The following FOXJ3 variants were observed in gnomAD, a reference collection of about 807,000 sequenced individuals.
FOXJ3 encodes forkhead box protein J3.
In FOXJ3, 22 loss-of-function variants were observed where a neutral mutation model predicts 76.1. That is an observed-to-expected ratio of 0.29 (90% CI 0.21 to 0.41). The LOEUF (loss-of-function observed/expected upper bound fraction) is 0.41, where lower values mean the gene tolerates loss of function less well. Among genes scored for constraint, FOXJ3 ranks in the 10% least tolerant of loss-of-function variants. FOXJ3 has a pLI of 1.00. For synonymous variants in FOXJ3, 269 were observed against 261.2 expected, an observed-to-expected ratio of 1.03 and a Z score of -0.29; for missense variants, 613 against 762.1, an observed-to-expected ratio of 0.80 and a Z score of 2.30.
intron 2 of FOXJ3, among the ~76,000 whole-genome samples, chr1:42,281,837 T>C (rs1349033817): frequency 6.6e-6 from 1 of 152,136 alleles, no homozygotes; most frequent in Non-Finnish European, 1.5e-5. Flanking sequence ...GGCAGGCGGA[T>C]CACCTGAGGT....
intron 4 of FOXJ3, among the ~76,000 whole-genome samples, chr1:42,231,501 T>A (rs1364476368): frequency 6.6e-6 from 1 of 152,138 alleles, no homozygotes; most frequent in Non-Finnish European, 1.5e-5. Flanking sequence ...TATTGTTTAA[T>A]GAGTGAAGAA....
At chr1:42,186,931 T>A (rs1475816177) in intron 11 of FOXJ3, among the ~76,000 whole-genome samples, 1 of 151,782 alleles carries the variant, frequency 6.6e-6, no homozygotes, top group Non-Finnish European at 1.5e-5. Context: ...CACTACAACC[T>A]CCGCCTCCCA....
intron 1 of FOXJ3, among the ~76,000 whole-genome samples, chr1:42,319,271 C>T (rs558965621): frequency 2.2e-4 from 34 of 152,158 alleles, no homozygotes; most frequent in Admixed American, 9.8e-4. Flanking sequence ...AATCCAAATG[C>T]CCATCAACTG....
intron 8 of FOXJ3, among the ~76,000 whole-genome samples, chr1:42,192,120 C>T (rs2124204438): frequency 6.6e-6 from 1 of 152,304 alleles, no homozygotes; most frequent in East Asian, 1.9e-4. Flanking sequence ...GGGTCACACT[C>T]AGGATGGCTC....
chr1:42,324,112 ACT>A (rs72467991), intron 1 of FOXJ3, among the ~76,000 whole-genome samples: 208 of 12,588 alleles, frequency 0.017, 20 homozygotes, highest in Non-Finnish European at 0.022. Context: ...GTGTATATAC[ACT>A]GTATATACAC....
At chr1:42,245,344 C>G (rs1649468239) in intron 4 of FOXJ3, among the ~76,000 whole-genome samples, 1 of 152,064 alleles carries the variant, frequency 6.6e-6, no homozygotes, top group South Asian at 2.1e-4. Flanking sequence ...TACCCTGATA[C>G]CAAAACCAAA....
intron 5 of FOXJ3, among the ~76,000 whole-genome samples, chr1:42,215,314 G>C (rs1386670370): frequency 6.6e-6 from 1 of 151,954 alleles, no homozygotes; most frequent in Admixed American, 6.5e-5. Context: ...CAAAATTTTA[G>C]AATGGAAAAA....
intron 1 of FOXJ3, among the ~76,000 whole-genome samples, chr1:42,324,260 A>G (rs2124783555): frequency 7.1e-6 from 1 of 141,380 alleles, no homozygotes; most frequent in East Asian, 2.1e-4. Context: ...CACTATATAT[A>G]CACATATATA....
chr1:42,180,904 C>G (rs72672800), intron 12 of FOXJ3, among the ~76,000 whole-genome samples: 1,942 of 152,260 alleles, frequency 0.013, 20 homozygotes, highest in Non-Finnish European at 0.018. Context: ...CATGAAGATT[C>G]AAACACAAGC....
At chr1:42,259,868 T>G (rs1330237202) in intron 4 of FOXJ3, among the ~76,000 whole-genome samples, 7 of 152,206 alleles carry the variant, frequency 4.6e-5, no homozygotes, top group Non-Finnish European at 8.8e-5. Context: ...ACTCGAGTTC[T>G]TATCTACCAT....
chr1:42,306,111 T>C (rs1003907257), intron 2 of FOXJ3, among the ~76,000 whole-genome samples: 1 of 152,156 alleles, frequency 6.6e-6, no homozygotes, highest in Non-Finnish European at 1.5e-5. Context: ...AAGCAAACGA[T>C]CAAGGAAAGC....
chr1:42,319,630 A>G (rs1353676378), intron 1 of FOXJ3, among the ~76,000 whole-genome samples: 3 of 152,168 alleles, frequency 2.0e-5, no homozygotes, highest in African/African-American at 7.2e-5. Context: ...AAAACACTGA[A>G]TTTTACACTG....
At position 42,205,767 on chromosome 1, in the gene FOXJ3, T is replaced by G. The variant is rs763063352; in HGVS notation, c.625A>C (p.Asn209His). The change falls in exon 6 of 13, where the codon AAC becomes CAC. Residue 209 changes from asparagine to histidine, a missense_variant. Around this residue, in one of 3 missense-constraint regions of FOXJ3, gnomAD observed 526 missense variants for 601.4 expected, o/e 0.87. Transcript: ENST00000361346. ...GTTTAAAAAAATGAAATTACTTTGT[T>G]AGTCACAGTGTTGATTGCCAGAGTT... ...SPTLAINTVT[N>H]KVTLYNTDQD... 29 of 1,551,950 alleles carry G rather than the reference T, an allele frequency of 1.9e-5. No individual in the cohort carries two copies. The highest frequency in any genetic ancestry group is 2.3e-5 in the Non-Finnish European group (26 of 1,124,070).
intron 11 of FOXJ3, among the ~76,000 whole-genome samples, chr1:42,184,057 C>T (rs1367066379): frequency 6.6e-6 from 1 of 152,118 alleles, no homozygotes; most frequent in Non-Finnish European, 1.5e-5. Flanking sequence ...AGCTCTAATA[C>T]TGGTACGAGT....
rs185732949 is a variant in FOXJ3, at chr1:42,194,471, C to T, written c.934+419G>A. Among the ~76,000 whole-genome samples, 476 of 152,308 alleles carry T rather than the reference C, an allele frequency of 3.1e-3. 7 individuals are homozygous for T. The highest frequency in any genetic ancestry group is 3.2e-3 in the Non-Finnish European group (219 of 68,018). On this transcript the variant is annotated intron_variant, in intron 8 of 12. Coordinates refer to ENST00000361346, the MANE Select transcript of FOXJ3 (RefSeq NM_014947.5). ...GCCACACTCAAAATCACAAATTTGG[C>T]GCTACCACATTCCGATAGTTATCTC...
intron 6 of FOXJ3, among the ~76,000 whole-genome samples, chr1:42,204,252 G>C (rs1440958838): frequency 2.0e-5 from 3 of 152,074 alleles, no homozygotes; most frequent in African/African-American, 7.2e-5. Flanking sequence ...GGTTGTCTTA[G>C]TTTCCAATAC....
At chr1:42,334,487 T>G (rs1332641288) in intron 1 of FOXJ3, among the ~76,000 whole-genome samples, 1 of 151,572 alleles carries the variant, frequency 6.6e-6, no homozygotes, top group African/African-American at 2.4e-5. Context: ...CACGTCCGCA[T>G]GGAACGGCTG....
chr1:42,236,386 G>A (rs1408850600), intron 4 of FOXJ3, among the ~76,000 whole-genome samples: 3 of 152,148 alleles, frequency 2.0e-5, no homozygotes, highest in Non-Finnish European at 2.9e-5. Flanking sequence ...TGTAGAGACA[G>A]GGTCTTGCTA....
At chr1:42,322,726 A>G (rs1022714070) in intron 1 of FOXJ3, among the ~76,000 whole-genome samples, 13 of 152,146 alleles carry the variant, frequency 8.5e-5, no homozygotes, top group African/African-American at 2.7e-4. Context: ...AGCTCTACTA[A>G]TAGGAAATCT....
Sources: allele counts gnomAD v4.1 joint callset (sites outside exome capture counted in the v4.1 genomes callset), GRCh38; gene constraint gnomAD v4.1.1; regional missense constraint gnomAD v4.1.1; transcripts MANE v1.5; gene names NCBI Gene and HGNC (gene_info 2026-07-23, HGNC 2026-07-21).